GRM7: variants seen among roughly 807,000 people sequenced by gnomAD.
GRM7 encodes the protein metabotropic glutamate receptor 7.
Under a neutral mutation model 84.5 loss-of-function variants are expected in GRM7, and 35 were observed. That is an observed-to-expected ratio of 0.41 (90% CI 0.32 to 0.55). GRM7 has a LOEUF of 0.55. Among genes scored for constraint, GRM7 ranks in the 20% least tolerant of loss-of-function variants. GRM7 has a pLI of 0.19. For missense variants in GRM7, 1,003 were observed against 1,194.6 expected, an observed-to-expected ratio of 0.84 and a Z score of 2.36; for synonymous variants, 487 against 455.1, an observed-to-expected ratio of 1.07 and a Z score of -0.89.
At chr3:7,472,646 C>T (rs922393877) in intron 7 of GRM7, among the ~76,000 whole-genome samples, 2 of 152,162 alleles carry the variant, frequency 1.3e-5, no homozygotes, top group South Asian at 4.1e-4. Flanking sequence ...GTGAGTAGAG[C>T]TCCCAAGAGG....
chr3:7,534,305 C>T (rs907255987), intron 7 of GRM7, among the ~76,000 whole-genome samples: 1 of 152,120 alleles, frequency 6.6e-6, no homozygotes, highest in East Asian at 1.9e-4. Context: ...TGAGCCATGG[C>T]GCCCAGCTGA....
intron 1 of GRM7, among the ~76,000 whole-genome samples, chr3:7,089,656 A>G (rs904226296): frequency 1.3e-5 from 2 of 152,180 alleles, no homozygotes; most frequent in African/African-American, 4.8e-5. Flanking sequence ...GAATTGTCTT[A>G]AAAATGTTGT....
intron 8 of GRM7, among the ~76,000 whole-genome samples, chr3:7,635,696 C>T (rs1401729388): frequency 1.3e-5 from 2 of 152,122 alleles, no homozygotes; most frequent in African/African-American, 4.8e-5. Flanking sequence ...TTTTTAGGGA[C>T]AAGGTCTTGC....
At chr3:7,029,920 G>A (rs1334545560) in intron 1 of GRM7, among the ~76,000 whole-genome samples, 1 of 152,040 alleles carries the variant, frequency 6.6e-6, no homozygotes, top group Middle Eastern at 3.2e-3. Context: ...TAATATCTAA[G>A]CATTCATTCC....
chr3:7,736,906 G>A (rs544798843), intron 9 of GRM7, among the ~76,000 whole-genome samples: 2 of 152,198 alleles, frequency 1.3e-5, no homozygotes, highest in South Asian at 2.1e-4. Flanking sequence ...TAGTTAATAA[G>A]CTACAGTATT....
At chr3:7,483,048 A>G (rs1699192519) in intron 7 of GRM7, among the ~76,000 whole-genome samples, 1 of 152,192 alleles carries the variant, frequency 6.6e-6, no homozygotes, top group South Asian at 2.1e-4. Flanking sequence ...TAAGGAAAGA[A>G]GTAACAAGAG....
intron 1 of GRM7, among the ~76,000 whole-genome samples, chr3:6,926,889 T>A (rs1032826708): frequency 6.6e-6 from 1 of 152,234 alleles, no homozygotes; most frequent in African/African-American, 2.4e-5. Flanking sequence ...TTTACCCAGA[T>A]ACCTGATAAT....
At position 7,452,795 on chromosome 3, in the gene GRM7, G is replaced by T. The variant is rs1697829437; in HGVS notation, c.1363G>T (p.Val455Phe). 6.2e-7 allele frequency: 1 copy of T among 1,608,472 alleles called. No homozygotes were observed. Among genetic ancestry groups the T allele is most frequent in the Non-Finnish European group, 8.5e-7 (1 of 1,175,424 alleles). The stretch of plus-strand genomic sequence containing the variant: ...GAAGTTGCTGAAGTATATACGCAAT[G>T]TTAATTTCAATGGTGAGTCTCCAAA... ...GKKLLKYIRN[V>F]NFNGSAGTPV... The change falls in exon 6 of 10, where the codon GTT becomes TTT. Residue 455 changes from valine (V) to phenylalanine (F), a missense_variant. Coordinates refer to ENST00000357716, the MANE Select transcript of GRM7 (RefSeq NM_000844.4).
intron 1 of GRM7, among the ~76,000 whole-genome samples, chr3:7,008,127 G>C (rs1005801227): frequency 6.7e-6 from 1 of 149,942 alleles, no homozygotes; most frequent in African/African-American, 2.5e-5. Flanking sequence ...TTTTTTTTTA[G>C]TGTATTCCTC....
chr3:7,042,696 G>A (rs1024720119), intron 1 of GRM7, among the ~76,000 whole-genome samples: 2 of 151,690 alleles, frequency 1.3e-5, no homozygotes, highest in South Asian at 2.1e-4. Context: ...ACACTTTTTT[G>A]TATCTCTCCT....
chr3:7,129,188 C>T (rs759281037), intron 1 of GRM7, among the ~76,000 whole-genome samples: 2 of 152,290 alleles, frequency 1.3e-5, no homozygotes, highest in South Asian at 2.1e-4. Context: ...ACATCATTTG[C>T]TACCTGTGAT....
At chr3:6,909,457 A>C (rs1352884564) in intron 1 of GRM7, among the ~76,000 whole-genome samples, 1 of 152,154 alleles carries the variant, frequency 6.6e-6, no homozygotes, top group Non-Finnish European at 1.5e-5. Flanking sequence ...CCTTCAGGAC[A>C]GACCTGAGAC....
chr3:7,206,887 G>A (rs1470126893), intron 2 of GRM7, among the ~76,000 whole-genome samples: 1 of 152,274 alleles, frequency 6.6e-6, no homozygotes, highest in Non-Finnish European at 1.5e-5. Context: ...GAACCCCCAG[G>A]TGTTGGGGGA....
intron 2 of GRM7, among the ~76,000 whole-genome samples, chr3:7,150,667 A>G (rs1694257756): frequency 6.6e-6 from 1 of 152,232 alleles, no homozygotes; most frequent in Non-Finnish European, 1.5e-5. Flanking sequence ...TGCACATGCA[A>G]TAGCAACAAA....
intron 2 of GRM7, among the ~76,000 whole-genome samples, chr3:7,200,501 C>T (rs980207612): frequency 2.0e-5 from 3 of 152,192 alleles, no homozygotes; most frequent in African/African-American, 7.2e-5. Context: ...GCCCAAGTTT[C>T]TGATTTCTAA....
At chr3:7,058,534 A>G (rs1214400412) in intron 1 of GRM7, among the ~76,000 whole-genome samples, 2 of 151,890 alleles carry the variant, frequency 1.3e-5, no homozygotes, top group Non-Finnish European at 2.9e-5. Flanking sequence ...TATGTTCATT[A>G]ATATATTAAT....
intron 1 of GRM7, among the ~76,000 whole-genome samples, chr3:6,982,621 A>G (rs76282039): frequency 0.037 from 5,592 of 152,230 alleles, 177 homozygotes; most frequent in African/African-American, 0.082. Flanking sequence ...AGAAAAAAAA[A>G]AAACCTTTAT....
At chr3:7,305,287 A>G (rs1405772570) in intron 3 of GRM7, among the ~76,000 whole-genome samples, 2 of 127,882 alleles carry the variant, frequency 1.6e-5, no homozygotes, top group East Asian at 4.6e-4. Context: ...ACCTTTTACT[A>G]TTTTGGTGTT....
At chr3:7,642,633 T>C (rs1251630643) in intron 8 of GRM7, among the ~76,000 whole-genome samples, 2 of 152,148 alleles carry the variant, frequency 1.3e-5, no homozygotes, top group Non-Finnish European at 2.9e-5. Flanking sequence ...AATAAGGCTG[T>C]GCTTACCAAG....
Sources: gnomAD v4.1 joint callset for allele counts (sites outside exome capture counted in the v4.1 genomes callset) on GRCh38, gnomAD v4.1.1 for gene constraint, MANE v1.5 for transcripts, NCBI Gene and HGNC (gene_info 2026-07-23, HGNC 2026-07-21) for gene names.